AIG1: variants seen among roughly 807,000 people sequenced by gnomAD.
AIG1 encodes the protein androgen induced 1.
Under a neutral mutation model 31.4 loss-of-function variants are expected in AIG1, and 23 were observed. The observed-to-expected ratio is 0.73, with a 90% CI of 0.53 to 1.04. The LOEUF is 1.04. Among genes scored for constraint, AIG1 ranks in the 50% least tolerant of loss-of-function variants. AIG1 has a pLI of 0.00. For synonymous variants in AIG1, 100 were observed against 110.5 expected (o/e 0.90, Z 0.60); for missense variants, 274 against 295.0 (o/e 0.93, Z 0.52).
chr6:143,341,628 GGA>G (rs1777858338), downstream of AIG1, among the ~76,000 whole-genome samples: 1 of 152,182 alleles, frequency 6.6e-6, no homozygotes. Context: ...TGCAAGCCAA[GGA>G]GAGAGGACTC....
In AIG1 at chr6:143,324,249, C is replaced by G. The variant is rs181959873; in HGVS notation, c.516-9033C>G. On this transcript the variant is annotated intron_variant, in intron 4 of 5. Transcript: ENST00000357847. Reference sequence around the variant, plus strand: ...CTTTATGTCTGCAGCATTTCTTCCCCCTTCTCAGGGGAAGTTGTAAAATTC... The same window carrying G: ...CTTTATGTCTGCAGCATTTCTTCCCGCTTCTCAGGGGAAGTTGTAAAATTC... 5.1e-3 allele frequency among the ~76,000 whole-genome samples: 781 copies of G among 152,288 alleles called. 9 individuals carry two copies. The highest frequency in any genetic ancestry group is 0.018 in the African/African-American group (745 of 41,544).
chr6:143,235,227 T>C (rs1345775336), intron 3 of AIG1, among the ~76,000 whole-genome samples: 1 of 152,152 alleles, frequency 6.6e-6, no homozygotes, highest in Non-Finnish European at 1.5e-5. Context: ...GACAGGATTT[T>C]TCATCAAATG....
chr6:143,086,844 G>A (rs984618585), intron 1 of AIG1, among the ~76,000 whole-genome samples: 1 of 152,192 alleles, frequency 6.6e-6, no homozygotes, highest in African/African-American at 2.4e-5. Flanking sequence ...GCACGCATGG[G>A]CAACTGTTGA....
chr6:143,101,785 T>C (rs1430278602), intron 1 of AIG1, among the ~76,000 whole-genome samples: 3 of 152,158 alleles, frequency 2.0e-5, no homozygotes, highest in Non-Finnish European at 4.4e-5. Flanking sequence ...AAATGCCACC[T>C]GTTCCCCCAA....
intron 2 of AIG1, among the ~76,000 whole-genome samples, chr6:143,149,616 T>C (rs950921348): frequency 6.6e-6 from 1 of 152,004 alleles, no homozygotes; most frequent in African/African-American, 2.4e-5. Context: ...ATCTTTTTCC[T>C]TGAGGTGGCT....
At chr6:143,140,568 G>A (rs1784165228) in intron 2 of AIG1, among the ~76,000 whole-genome samples, 1 of 152,036 alleles carries the variant, frequency 6.6e-6, no homozygotes, top group African/African-American at 2.4e-5. Context: ...ACTCTCCCTG[G>A]AGCAATGCCA....
In AIG1 at chr6:143,260,183, C is replaced by G. The variant is rs1795655925; in HGVS notation, c.400-23927C>G. Among the ~76,000 whole-genome samples, 3 of 152,164 alleles carry G rather than the reference C, an allele frequency of 2.0e-5. No homozygotes were observed. In the South Asian group the frequency reaches 6.2e-4, roughly 32 times the overall value. ...GGACTACAGGTGCCCACCACCACGCCTGGTTAATTTTTTGTATTTTTAGTA... is the reference window on the plus strand; with the variant it reads ...GGACTACAGGTGCCCACCACCACGCGTGGTTAATTTTTTGTATTTTTAGTA... On this transcript the variant is annotated intron_variant, in intron 3 of 5. Transcript: ENST00000357847.
chr6:143,112,369 G>T (rs942280295), intron 1 of AIG1, among the ~76,000 whole-genome samples: 1 of 152,090 alleles, frequency 6.6e-6, no homozygotes, highest in Admixed American at 6.6e-5. Context: ...CACCAGTCTG[G>T]AATATATTAT....
chr6:143,216,366 C>G (rs1294301577), intron 3 of AIG1, among the ~76,000 whole-genome samples: 2 of 152,098 alleles, frequency 1.3e-5, no homozygotes, highest in African/African-American at 4.8e-5. Flanking sequence ...GGTATATGGA[C>G]AGGGAGGATG....
intron 3 of AIG1, among the ~76,000 whole-genome samples, chr6:143,209,923 A>C (rs979753955): frequency 6.6e-6 from 1 of 152,148 alleles, no homozygotes; most frequent in African/African-American, 2.4e-5. Context: ...TGTCGTGTTC[A>C]CTGCTGTATC....
rs1026306888 is a variant in AIG1 at position 143,299,770 on chromosome 6, G to A, written c.515+15545G>A. Among the ~76,000 whole-genome samples, 5 of 152,126 alleles carry A rather than the reference G, an allele frequency of 3.3e-5. No individual in the cohort carries two copies. The highest frequency in any genetic ancestry group is 5.9e-5 in the Non-Finnish European group (4 of 68,028). ...TCTGCTAAACTGCTTGTAGTTCCAC[G>A]AACTCACCTCTGGGATTTGCAGTGT... On this transcript the variant is annotated intron_variant, in intron 4 of 5. Coordinates refer to ENST00000357847, the MANE Select transcript of AIG1 (RefSeq NM_016108.4). The surrounding 1 kb of genome is among the most constrained non-coding windows in gnomAD (Gnocchi z 4.1).
At chr6:143,198,186 T>G (rs1443359171) in intron 3 of AIG1, among the ~76,000 whole-genome samples, 1 of 152,232 alleles carries the variant, frequency 6.6e-6, no homozygotes, top group Non-Finnish European at 1.5e-5. Context: ...TAATTGATCT[T>G]CTATGAACAG....
chr6:143,178,899 C>T (rs946539718), intron 3 of AIG1, among the ~76,000 whole-genome samples: 3 of 152,018 alleles, frequency 2.0e-5, no homozygotes, highest in African/African-American at 7.3e-5. Context: ...CTGGGAGAGA[C>T]ATAAGAAATT....
At chr6:143,188,882 A>C in intron 3 of AIG1, 12 of 985,264 alleles carry the variant, frequency 1.2e-5, no homozygotes, top group Non-Finnish European at 1.4e-5. Context: ...CATTTCTGTA[A>C]ATTTAAAGTG....
intron 2 of AIG1, among the ~76,000 whole-genome samples, chr6:143,144,165 C>G (rs1258795582): frequency 6.6e-6 from 1 of 152,170 alleles, no homozygotes; most frequent in Admixed American, 6.5e-5. Flanking sequence ...ACAATAGTCA[C>G]ACATTAACAA....
At chr6:143,182,720 A>G (rs1038409516) in intron 3 of AIG1, among the ~76,000 whole-genome samples, 1 of 152,202 alleles carries the variant, frequency 6.6e-6, no homozygotes, top group African/African-American at 2.4e-5. Context: ...TCCATAGGGT[A>G]GGGGTCTTTA....
At chr6:143,108,432 A>G (rs1780991645) in intron 1 of AIG1, among the ~76,000 whole-genome samples, 1 of 152,178 alleles carries the variant, frequency 6.6e-6, no homozygotes, top group Admixed American at 6.5e-5. Flanking sequence ...TGATAGCACA[A>G]CAAGCGAAAT....
chr6:143,164,618 G>A (rs1216049628), intron 2 of AIG1, among the ~76,000 whole-genome samples: 1 of 152,200 alleles, frequency 6.6e-6, no homozygotes, highest in Non-Finnish European at 1.5e-5. Context: ...TAGTGGTGAA[G>A]TGGAAATTTG....
At chr6:143,132,473 GT>G (rs77246302) in intron 1 of AIG1, among the ~76,000 whole-genome samples, 3 of 151,698 alleles carry the variant, frequency 2.0e-5, no homozygotes, top group African/African-American at 7.3e-5. Context: ...ATGGTGATAT[GT>G]TTTTTTTCCC....
Sources: gnomAD v4.1 joint callset for allele counts (sites outside exome capture counted in the v4.1 genomes callset) on GRCh38, gnomAD v4.1.1 for gene constraint, Gnocchi (gnomAD v3.1) non-coding constraint, MANE v1.5 for transcripts, NCBI Gene and HGNC (gene_info 2026-07-23, HGNC 2026-07-21) for gene names.